ZNF570: variants seen among roughly 807,000 people sequenced by gnomAD.
ZNF570 encodes the protein zinc finger protein 570.
In ZNF570, 8 loss-of-function variants were observed where a neutral mutation model predicts 14.2. The observed-to-expected ratio is 0.56, with a 90% confidence interval of 0.33 to 1.02. The LOEUF is 1.02. Among genes scored for constraint, ZNF570 ranks in the 50% least tolerant of loss-of-function variants. ZNF570 has a pLI of 0.03. For synonymous variants in ZNF570, 202 were observed against 207.6 expected (o/e 0.97, Z 0.23); for missense variants, 559 against 624.9 (o/e 0.89, Z 1.12).
intron 4 of ZNF570, among the ~76,000 whole-genome samples, chr19:37,480,486 A>AAAAAC (rs1317412638): frequency 2.0e-5 from 3 of 152,178 alleles, no homozygotes; most frequent in South Asian, 2.1e-4. Flanking sequence ...CTCCATCTCA[A>AAAAAC]AAAACAAAAC....
rs2042178787 is a variant in ZNF570 at position 37,488,448 on chromosome 19, A to T, written c.*3215A>T. Reference sequence around the variant, plus strand: ...CAGATTCAGAACAGTGGTGACCTGCAGGGAGAAAGACAACTGAGATTGGGG... The same window carrying T: ...CAGATTCAGAACAGTGGTGACCTGCTGGGAGAAAGACAACTGAGATTGGGG... On this transcript the variant is annotated 3_prime_UTR_variant, in exon 5 of 5. Transcript: ENST00000330173. The T allele has an allele frequency of 6.6e-6, 1 of 152,196 alleles. No homozygotes were observed. The highest frequency in any genetic ancestry group is 1.5e-5 in the Non-Finnish European group (1 of 68,016). 9.4% of individuals were successfully genotyped at this position (152,196 alleles called of 1,614,324 possible).
intron 2 of ZNF570, among the ~76,000 whole-genome samples, chr19:37,472,156 C>T (rs1383409653): frequency 2.0e-5 from 3 of 152,014 alleles, no homozygotes; most frequent in Non-Finnish European, 2.9e-5. Context: ...CCGCCTGCCT[C>T]GGCCTACCAA....
chr19:37,475,276 C>T (rs2042011319), intron 2 of ZNF570, among the ~76,000 whole-genome samples: 1 of 152,148 alleles, frequency 6.6e-6, no homozygotes, highest in South Asian at 2.1e-4. Flanking sequence ...TTTTTAAGAA[C>T]TTTCTCTAAC....
rs748918567 is a variant in ZNF570 at position 37,484,762 on chromosome 19, T to C, written c.1140T>C (p.His380=). ...ACCTTACTGTACATCAGAGAATACA[T>C]ACTGGAGAGAGACCCTATGAATGTA... ...RAYLTVHQRI[H]TGERPYECKE... Residue 380 remains histidine (H), a synonymous_variant, in exon 5 of 5, where the codon CAT becomes CAC. Coordinates refer to ENST00000330173, the MANE Select transcript of ZNF570 (RefSeq NM_144694.5). The C allele has an allele frequency of 6.8e-6, 11 of 1,614,110 alleles. No homozygotes were observed. The highest frequency in any genetic ancestry group is 9.3e-6 in the Non-Finnish European group (11 of 1,180,024).
chr19:37,484,106 G>A lies in ZNF570; in HGVS notation c.484G>A (p.Glu162Lys), dbSNP rs2042118468. ...THEEPLFDER[E>K]QEYKSWGSFH... ...TGAAGAACCCCTTTTTGATGAGAGAGAACAAGAATATAAATCTTGGGGAAG... is the reference window on the plus strand; with the variant it reads ...TGAAGAACCCCTTTTTGATGAGAGAAAACAAGAATATAAATCTTGGGGAAG... Residue 162 changes from glutamate to lysine, a missense_variant, in exon 5 of 5, where the codon GAA becomes AAA. Physicochemically the swap from Glu to Lys is moderately conservative, Grantham distance 56. Transcript: ENST00000330173. The A allele has an allele frequency of 6.2e-7, 1 of 1,613,982 alleles. No individual in the cohort carries two copies. The highest frequency in any genetic ancestry group is 8.5e-7 in the Non-Finnish European group (1 of 1,179,986).
Position 37,484,148 on chromosome 19 carries a change from C to CTTTTG in ZNF570, c.527_528insTTTGT (p.Thr179PhefsTer6). The CTTTTG allele has an allele frequency of 6.2e-7, 1 of 1,613,742 alleles. No individual in the cohort carries two copies. Among genetic ancestry groups the CTTTTG allele is most frequent in the African/African-American group, 1.3e-5 (1 of 74,874 alleles). On this transcript the variant is annotated frameshift_variant, in exon 5 of 5. Transcript: ENST00000330173. LOFTEE classifies it low-confidence loss of function (END_TRUNC). ...TTGGGGAAGTTTTCATCAGAACCCA[C>CTTTTG]TGCTTTGTACACAAAAGATAATCCC...
chr19:37,469,202 G>A (rs967143990), upstream of ZNF570: 2 of 1,278,236 alleles, frequency 1.6e-6, no homozygotes, highest in Non-Finnish European at 1.0e-6. Context: ...GTGGGGAGGA[G>A]GCCGTGTTAC....
intron 2 of ZNF570, among the ~76,000 whole-genome samples, chr19:37,475,583 C>T (rs1163590733): frequency 6.6e-6 from 1 of 152,120 alleles, no homozygotes; most frequent in East Asian, 1.9e-4. Context: ...AAAGCCAAAA[C>T]ATACTCTGCC....
rs1237166412 is a variant in ZNF570 at position 37,469,451 on chromosome 19, G to A, written c.-158G>A. 1.2e-5 allele frequency: 18 copies of A among 1,535,976 alleles called. No individual in the cohort carries two copies. Among genetic ancestry groups the A allele is most frequent in the Non-Finnish European group, 1.4e-5 (16 of 1,146,610 alleles). On this transcript the variant is annotated 5_prime_UTR_variant, in exon 1 of 5. Coordinates refer to ENST00000330173, the MANE Select transcript of ZNF570 (RefSeq NM_144694.5). The stretch of plus-strand genomic sequence containing the variant: ...CCCCGAGCCTTCGGGGCAGGAAGGA[G>A]ATCTTCCACCAGTTCTGTTCTGCAG...
Position 37,485,230 on chromosome 19 carries a change from A to G in ZNF570, c.1608A>G (p.Leu536=), listed in dbSNP as rs756678647. Residue 536 remains leucine, a synonymous_variant, in exon 5 of 5, where the codon CTA becomes CTG. Transcript: ENST00000330173. ...CCAACCCAGTCAATCACCAAGTCCT[A>G]TAGATCCTGAGTCCTAAATGTTTCT... ...SPPNPVNHQV[L] The G allele has an allele frequency of 2.4e-5, 37 of 1,537,792 alleles. No individual in the cohort carries two copies. The East Asian group carries it at 2.7e-4, about 11-fold the overall frequency.
Position 37,475,950 on chromosome 19 carries a change from C to G in ZNF570, c.103C>G (p.Gln35Glu). ...QEEWDCLDSSQRHLYSNVMLE... is the reference protein window; with the variant it reads ...QEEWDCLDSSERHLYSNVMLE... ...GGAATGGGATTGTCTGGATTCTTCT[C>G]AAAGACATCTGTACAGTAATGTGAT... Residue 35 changes from glutamine to glutamate, a missense_variant, in exon 3 of 5, where the codon CAA (glutamine) becomes GAA (glutamate). Gln to Glu is a conservative substitution (Grantham distance 29). Transcript: ENST00000330173. 2 of 1,614,046 alleles carry G rather than the reference C, an allele frequency of 1.2e-6. No homozygotes were observed. Among genetic ancestry groups the G allele is most frequent in the Non-Finnish European group, 1.7e-6 (2 of 1,179,976 alleles).
At position 37,473,149 on chromosome 19, in the gene ZNF570, T is replaced by G. The variant is rs2041987690; in HGVS notation, c.34-2732T>G. The stretch of plus-strand genomic sequence containing the variant: ...GAAGGTGTGAGGTGAGAGGGGACAG[T>G]ATCAAATGGTCATTTAGCAGAGTGA... On this transcript the variant is annotated intron_variant, in intron 2 of 4. Coordinates refer to ENST00000330173, the MANE Select transcript of ZNF570 (RefSeq NM_144694.5). Among the ~76,000 whole-genome samples, 2 of 152,052 alleles carry G rather than the reference T, an allele frequency of 1.3e-5. 1 individual carries two copies. Among genetic ancestry groups the G allele is most frequent in the South Asian group, 4.1e-4 (2 of 4,826 alleles).
chr19:37,480,741 C>A (rs192508970), intron 4 of ZNF570, among the ~76,000 whole-genome samples: 3 of 151,862 alleles, frequency 2.0e-5, no homozygotes, highest in Admixed American at 2.0e-4. Flanking sequence ...TCACTTCAGT[C>A]TAGGAGTTTG....
intron 1 of ZNF570, 183 bp from the exon 2 acceptor site, chr19:37,470,121 G>A (rs530404707): frequency 2.2e-4 from 121 of 541,522 alleles, no homozygotes; most frequent in African/African-American, 2.2e-3. Flanking sequence ...TTAACCTAAG[G>A]AATTGGGAAA....
At chr19:37,467,867 G>A (rs1285843285), upstream of ZNF570, 1 of 1,536,024 alleles carries the variant, frequency 6.5e-7, no homozygotes. Flanking sequence ...GTTTGATTCT[G>A]ACCTTGCAGT....
Position 37,476,024 on chromosome 19 carries a change from G to A in ZNF570, c.160+17G>A. 6.3e-7 allele frequency: 1 copy of A among 1,584,492 alleles called. No individual in the cohort carries two copies. ...TATCACTGGGTAAGGATATCTTCTT[G>A]CAAAACTGAGCTTCTGCTCAAAAGG... On this transcript the variant is annotated intron_variant, in intron 3 of 4. Coordinates refer to ENST00000330173, the MANE Select transcript of ZNF570 (RefSeq NM_144694.5).
chr19:37,470,337 A>G lies in ZNF570; in HGVS notation c.-18A>G, dbSNP rs1448778923. 3 of 1,614,108 alleles carry G rather than the reference A, an allele frequency of 1.9e-6. No individual in the cohort carries two copies. The highest frequency in any genetic ancestry group is 3.3e-5 in the Admixed American group (2 of 60,024). On this transcript the variant is annotated 5_prime_UTR_variant, in exon 2 of 5. Transcript: ENST00000330173. Reference sequence around the variant, plus strand: ...GGCCACTGCTATTTCCCAAGAGAAGAGCCAGGAGGAAGAAAGAATGGCTGT... The same window carrying G: ...GGCCACTGCTATTTCCCAAGAGAAGGGCCAGGAGGAAGAAAGAATGGCTGT...
At chr19:37,474,282 A>G (rs891896155) in intron 2 of ZNF570, among the ~76,000 whole-genome samples, 2 of 152,194 alleles carry the variant, frequency 1.3e-5, no homozygotes, top group African/African-American at 4.8e-5. Flanking sequence ...TATGTATGTC[A>G]TATATAAATA....
chr19:37,468,018 C>T (rs1380499849), upstream of ZNF570: 2 of 1,291,606 alleles, frequency 1.5e-6, no homozygotes, highest in Non-Finnish European at 2.2e-6. Flanking sequence ...CAGACTTGGC[C>T]TTACTAGCTG....
Sources: allele counts gnomAD v4.1 joint callset (sites outside exome capture counted in the v4.1 genomes callset), GRCh38; gene constraint gnomAD v4.1.1; transcripts MANE v1.5; gene names NCBI Gene and HGNC (gene_info 2026-07-23, HGNC 2026-07-21).